Variants in MRPL4 observed in about 807,000 individuals in gnomAD.
MRPL4 encodes the protein large ribosomal subunit protein uL4m.
MRPL4 carries 34 observed loss-of-function variants against 34.1 expected under a neutral mutation model. That is an observed-to-expected ratio of 1.00 (90% CI 0.76 to 1.33). The LOEUF (loss-of-function observed/expected upper bound fraction) is 1.33. Ranked by LOEUF, MRPL4 falls within the 40% of genes most tolerant of loss-of-function variation. The probability of loss-of-function intolerance (pLI) is 0.00; values close to 1 mark genes in which losing one functional copy is unlikely to be tolerated. For synonymous variants in MRPL4, 196 were observed against 188.3 expected (o/e 1.04, Z -0.33); for missense variants, 402 against 434.6 (o/e 0.92, Z 0.67).
chr19:10,256,935 G>A (rs2039858311), intron 5 of MRPL4, 110 bp downstream of exon 5: 2 of 912,942 alleles, frequency 2.2e-6, no homozygotes, highest in Admixed American at 7.0e-5. Flanking sequence ...TGTCAGCCCT[G>A]TTCCCTCCAC....
At position 10,256,722 on chromosome 19, in the gene MRPL4, C is replaced by T. The variant is rs1370403392; in HGVS notation, c.342C>T (p.Thr114=). The T allele has an allele frequency of 2.5e-6, 4 of 1,609,886 alleles. No homozygotes were observed. The African/African-American group carries it at 4.0e-5, about 16-fold the overall frequency. ...KNFKRISYAK[T]KTRAEVRGGG... is the part of the protein sequence containing the mutation. ...TGTGCCTCCAGAGCTATGCCAAGAC[C>T]AAGACGAGAGCCGAGGTGCGGGGCG... The change falls in exon 5 of 9, where the codon ACC becomes ACT. Residue 114 remains threonine (T), a synonymous_variant. Transcript: ENST00000253099.
At chr19:10,257,676 G>A (rs1172717899) in intron 5 of MRPL4, among the ~76,000 whole-genome samples, 1 of 151,986 alleles carries the variant, frequency 6.6e-6, no homozygotes, top group Non-Finnish European at 1.5e-5. Context: ...ACCGGAGCAT[G>A]TGCCTGATGC....
chr19:10,254,500 G>A (rs558235308), intron 3 of MRPL4, 89 bp from the exon 4 acceptor site: 4 of 1,507,928 alleles, frequency 2.7e-6, no homozygotes, highest in East Asian at 2.3e-5. Flanking sequence ...GGGCCCTGGA[G>A]GCAGAAGGGA....
intron 4 of MRPL4, chr19:10,255,665 C>T (rs1232656392): frequency 6.6e-6 from 1 of 152,510 alleles, no homozygotes; most frequent in Non-Finnish European, 1.5e-5. Flanking sequence ...TCCATCCACC[C>T]CAGAGGTCTG....
At chr19:10,258,843 A>G (rs2039878919) in intron 8 of MRPL4, 158 bp downstream of exon 8, 3 of 1,563,492 alleles carry the variant, frequency 1.9e-6, no homozygotes, top group Non-Finnish European at 2.6e-6. Flanking sequence ...ATCTTTCCTA[A>G]AGAAGTGCTT....
chr19:10,259,975 G>T lies in MRPL4; in HGVS notation c.*162G>T, dbSNP rs1042111947. 2 of 561,392 alleles carry T rather than the reference G, an allele frequency of 3.6e-6. No homozygotes were observed. Among genetic ancestry groups the T allele is most frequent in the Non-Finnish European group, 6.0e-6 (2 of 332,350 alleles). The allele number at this position is 561,392 out of a possible 1,614,324, so 34.8% of individuals were successfully genotyped here. On this transcript the variant is annotated 3_prime_UTR_variant, in exon 9 of 9. Transcript: ENST00000253099. ...CGCCATTGGGAAGGGGCGACTCCACGGAAAGCCCAGACGGGCTTCTGCATC... is the reference window on the plus strand; with the variant it reads ...CGCCATTGGGAAGGGGCGACTCCACTGAAAGCCCAGACGGGCTTCTGCATC...
rs748514873 is a variant in MRPL4 at position 10,259,593 on chromosome 19, G to GCCCCGCCCCCA, written c.740-12_740-2dup. 1.1e-3 allele frequency: 337 copies of GCCCCGCCCCCA among 301,614 alleles called. No homozygotes were observed. In the African/African-American group the frequency reaches 0.015, roughly 13 times the overall value. 18.7% of individuals were successfully genotyped at this position (301,614 alleles called of 1,614,324 possible). On this transcript the variant is annotated intron_variant, in intron 8 of 8. Coordinates refer to ENST00000253099, the MANE Select transcript of MRPL4 (RefSeq NM_015956.3). ...GCAGCCCCGGCCTGACCGGCCCCCC[G>GCCCCGCCCCCA]CCCCGCCCCCACCCCGCCCCCAGGC...
At chr19:10,252,361 C>T in intron 1 of MRPL4, 36 bp from the exon 2 acceptor site, 1 of 1,613,958 alleles carries the variant, frequency 6.2e-7, no homozygotes, top group Non-Finnish European at 8.5e-7. Flanking sequence ...TGGGGGTGTC[C>T]AGGGGTCGTC....
chr19:10,252,112 C>T, upstream of MRPL4: 2 of 1,038,342 alleles, frequency 1.9e-6, no homozygotes, highest in Non-Finnish European at 2.7e-6. Context: ...GTCGGACCCC[C>T]TCCATCTTCG....
chr19:10,256,866 G>GGGGGGGGGGGGGGGCC, intron 5 of MRPL4, 41 bp downstream of exon 5: 1 of 378,382 alleles, frequency 2.6e-6, no homozygotes, highest in Non-Finnish European at 5.0e-6. Flanking sequence ...GGGTGGGGGG[G>GGGGGGGGGGGGGGGCC]CCAGGGAAGG....
intron 8 of MRPL4, chr19:10,259,274 T>G (rs2039884645): frequency 7.4e-7 from 1 of 1,353,202 alleles, no homozygotes; most frequent in African/African-American, 1.5e-5. Context: ...GTCATCAGGG[T>G]GGCACGTCAG....
Position 10,252,611 on chromosome 19 carries a change from T to A in MRPL4, c.185T>A (p.Val62Glu). 3 of 1,612,566 alleles carry A rather than the reference T, an allele frequency of 1.9e-6. No homozygotes were observed. Among genetic ancestry groups the A allele is most frequent in the Non-Finnish European group, 2.5e-6 (3 of 1,179,862 alleles). ...CCGGTACCCACTCATCGACGCCCAG[T>A]GCAGGCCTGGGTCGAGTCCTTGCGG... ...ELPVPTHRRP[V>E]QAWVESLRGF... Residue 62 changes from valine to glutamate, a missense_variant, in exon 3 of 9, where the codon GTG becomes GAG. Transcript: ENST00000253099.
At position 10,256,840 on chromosome 19, in the gene MRPL4, T is replaced by TGGGGG; in HGVS notation, c.445+17_445+18insGGGGG. On this transcript the variant is annotated intron_variant, in intron 5 of 8. Coordinates refer to ENST00000253099, the MANE Select transcript of MRPL4 (RefSeq NM_015956.3). ...CTGGCGAGGAGGTAACAGGACAGGGTGGAGGGGGCGGGGAGGGGTGGGGGG... is the reference window on the plus strand; with the variant it reads ...CTGGCGAGGAGGTAACAGGACAGGGTGGGGGGGAGGGGGCGGGGAGGGGTGGGGGG... The TGGGGG allele has an allele frequency of 2.8e-5, 2 of 72,278 alleles. No homozygotes were observed. Among genetic ancestry groups the TGGGGG allele is most frequent in the South Asian group, 1.5e-4 (1 of 6,458 alleles). 4.5% of individuals were successfully genotyped at this position (72,278 alleles called of 1,614,324 possible).
intron 3 of MRPL4, among the ~76,000 whole-genome samples, chr19:10,254,162 A>G (rs1368774185): frequency 2.0e-5 from 3 of 152,034 alleles, no homozygotes; most frequent in Admixed American, 6.6e-5. Flanking sequence ...AGAATGACAG[A>G]CATGTACCAC....
At position 10,258,252 on chromosome 19, in the gene MRPL4, C is replaced by T; in HGVS notation, c.476C>T (p.Thr159Ile). The T allele has an allele frequency of 6.2e-7, 1 of 1,614,136 alleles. No homozygotes were observed. The highest frequency in any genetic ancestry group is 1.6e-4 in the Middle Eastern group (1 of 6,062). The change falls in exon 6 of 9, where the codon ACA becomes ATA. Residue 159 changes from threonine (T) to isoleucine (I), a missense_variant. Transcript: ENST00000253099. ...GGVAHGPRGP[T>I]SYYYMLPMKV... ...GTTGCCCATGGCCCCCGGGGCCCCA[C>T]AAGTTACTACTACATGCTGCCCATG...
Position 10,259,751 on chromosome 19 carries a change from G to C in MRPL4, c.874G>C (p.Asp292His), listed in dbSNP as rs139494066. The C allele has an allele frequency of 6.2e-7, 1 of 1,613,906 alleles. No individual in the cohort carries two copies. The change falls in exon 9 of 9, where the codon GAC becomes CAC. Residue 292 changes from aspartate (D) to histidine (H), a missense_variant. Physicochemically the swap from Asp to His is moderately conservative, Grantham distance 81 (BLOSUM62 -1). Coordinates refer to ENST00000253099, the MANE Select transcript of MRPL4 (RefSeq NM_015956.3). The part of the protein sequence containing the change: ...PLYPFSLPYS[D>H]FPRPLPHATQ... ...CTACCCCTTCAGCCTGCCCTACAGC[G>C]ACTTCCCCCGACCCCTACCCCACGC... is the stretch of plus-strand genomic sequence containing the variant.
rs1481832180 is a variant in MRPL4 at position 10,254,643 on chromosome 19, G to C, written c.327+3G>C. 6.2e-7 allele frequency: 1 copy of C among 1,613,980 alleles called. No homozygotes were observed. The highest frequency in any genetic ancestry group is 1.7e-5 in the Admixed American group (1 of 60,000). Reference sequence around the variant, plus strand: ...GGCAGAAGAACTTCAAGAGAATTGTGAGTGCCTAAATGGAGCAAGGTGGTG... The same window carrying C: ...GGCAGAAGAACTTCAAGAGAATTGTCAGTGCCTAAATGGAGCAAGGTGGTG... On this transcript the variant is annotated splice_donor_region_variant and intron_variant, in intron 4 of 8. Coordinates refer to ENST00000253099, the MANE Select transcript of MRPL4 (RefSeq NM_015956.3).
chr19:10,254,743 GCTGGGGCCTCATCTGTCTC>G (rs1470417861), intron 4 of MRPL4, 103 bp downstream of exon 4: 1 of 1,229,620 alleles, frequency 8.1e-7, no homozygotes, highest in Non-Finnish European at 1.2e-6. Context: ...GGACTGCTCG[GCTGGGGCCTCATCTGTCTC>G]CTGAACTATT....
intron 3 of MRPL4, among the ~76,000 whole-genome samples, chr19:10,253,385 AAG>A (rs1278014867): frequency 6.6e-6 from 1 of 151,134 alleles, no homozygotes; most frequent in Non-Finnish European, 1.5e-5. Flanking sequence ...AGGCTGAGGC[AAG>A]AGAATGGCGT....
Sources: gnomAD v4.1 joint callset for allele counts (sites outside exome capture counted in the v4.1 genomes callset) on GRCh38, gnomAD v4.1.1 for gene constraint, MANE v1.5 for transcripts, NCBI Gene and HGNC (gene_info 2026-07-23, HGNC 2026-07-21) for gene names.